The following PRSS38 variants were observed in gnomAD, a reference collection of about 807,000 sequenced individuals.
The protein encoded by PRSS38 is serine protease 38.
In PRSS38, 22 loss-of-function variants were observed where a neutral mutation model predicts 26.8. The ratio of observed to expected loss-of-function variants is 0.82; its 90% CI spans 0.59 to 1.17. PRSS38 has a LOEUF of 1.17. Ranked by LOEUF, PRSS38 falls within the 50% of genes most tolerant of loss-of-function variation. PRSS38 has a pLI of 0.00. For synonymous variants in PRSS38, 175 were observed against 172.1 expected (o/e 1.02, Z -0.13); for missense variants, 427 against 422.7 (o/e 1.01, Z -0.09).
At chr1:227,843,953 A>T (rs1000968329) in intron 3 of PRSS38, among the ~76,000 whole-genome samples, 3 of 152,180 alleles carry the variant, frequency 2.0e-5, no homozygotes, top group Admixed American at 6.5e-5. Context: ...GTACCAATGC[A>T]CTCCAGCCTG....
exon 3 of PRSS38, chr1:227,817,366 A>C: frequency 6.2e-7 from 1 of 1,614,130 alleles, no homozygotes; most frequent in South Asian, 1.1e-5. Context: ...GGTGCAGCTG[A>C]AGACCCGCAT....
At chr1:227,830,596 G>A (rs571647849) in intron 3 of PRSS38, among the ~76,000 whole-genome samples, 2 of 150,634 alleles carry the variant, frequency 1.3e-5, no homozygotes, top group East Asian at 3.9e-4. Flanking sequence ...CCGCCTCTGG[G>A]TTCAAGCGAT....
At chr1:227,818,703 A>G (rs35147836) in intron 3 of PRSS38, among the ~76,000 whole-genome samples, 2 of 142,822 alleles carry the variant, frequency 1.4e-5, no homozygotes, top group Non-Finnish European at 3.1e-5. Context: ...AAAAAAACGT[A>G]TTTAATGTGA....
chr1:227,817,111 C>T, intron 2 of PRSS38, 98 bp from the exon 3 acceptor site: 1 of 1,295,062 alleles, frequency 7.7e-7, no homozygotes, highest in Non-Finnish European at 1.1e-6. Context: ...TTCAATCCCA[C>T]CGAGTGAGTG....
At position 227,840,445 on chromosome 1, in the gene PRSS38, A is replaced by G. The variant is rs112006498; in HGVS notation, c.584-5025A>G. ...CTACACTTTTAAATGGTTGGGGCGG[A>G]AAAGAACCCAAAAGAGGAATATTTC... On this transcript the variant is annotated intron_variant, in intron 3 of 4. Coordinates refer to ENST00000366757, the Ensembl canonical transcript of PRSS38. 5.9e-3 allele frequency among the ~76,000 whole-genome samples: 889 copies of G among 150,366 alleles called. 10 individuals carry two copies. The highest frequency in any genetic ancestry group is 0.021 in the African/African-American group (858 of 40,928).
chr1:227,844,150 T>C (rs1204691293), intron 3 of PRSS38, among the ~76,000 whole-genome samples: 2 of 152,228 alleles, frequency 1.3e-5, no homozygotes, highest in East Asian at 1.9e-4. Flanking sequence ...TTGATATAAA[T>C]ATTCAGGAAA....
chr1:227,837,227 G>A (rs2102683142), intron 3 of PRSS38, among the ~76,000 whole-genome samples: 1 of 152,314 alleles, frequency 6.6e-6, no homozygotes, highest in East Asian at 1.9e-4. Flanking sequence ...TTCCTCACCA[G>A]AGAAAACTTC....
At chr1:227,839,253 A>C (rs941441712) in intron 3 of PRSS38, among the ~76,000 whole-genome samples, 1 of 152,156 alleles carries the variant, frequency 6.6e-6, no homozygotes, top group Non-Finnish European at 1.5e-5. Flanking sequence ...TGAAGCTGGG[A>C]GTTTGAGACC....
intron 3 of PRSS38, among the ~76,000 whole-genome samples, chr1:227,830,967 G>T (rs531832383): frequency 6.6e-6 from 1 of 151,916 alleles, no homozygotes; most frequent in East Asian, 1.9e-4. Context: ...ATCAATTTTG[G>T]TTGTCTTCTA....
At chr1:227,838,818 T>C (rs977847587) in intron 3 of PRSS38, among the ~76,000 whole-genome samples, 2 of 152,234 alleles carry the variant, frequency 1.3e-5, no homozygotes, top group Non-Finnish European at 2.9e-5. Context: ...ACATGCAATA[T>C]CTGTATTTCT....
intron 3 of PRSS38, among the ~76,000 whole-genome samples, chr1:227,826,211 C>T (rs1274070951): frequency 1.3e-5 from 2 of 152,084 alleles, no homozygotes; most frequent in Non-Finnish European, 2.9e-5. Context: ...GGAATGCTAG[C>T]AAGTTTTGCA....
rs1447386646 is a variant in PRSS38, at chr1:227,833,102, A to G, written c.584-12368A>G. ...GAGACTTAATATTGTTACGATGACA[A>G]TATTACCCAAAGTGATCTACAAACA... On this transcript the variant is annotated intron_variant, in intron 3 of 4. Coordinates refer to ENST00000366757, the Ensembl canonical transcript of PRSS38. 2.0e-5 allele frequency among the ~76,000 whole-genome samples: 3 copies of G among 152,226 alleles called. No individual in the cohort carries two copies. The East Asian group carries it at 5.8e-4, about 29-fold the overall frequency.
At chr1:227,828,998 C>T (rs1665113314) in intron 3 of PRSS38, among the ~76,000 whole-genome samples, 1 of 152,190 alleles carries the variant, frequency 6.6e-6, no homozygotes, top group Non-Finnish European at 1.5e-5. Flanking sequence ...ACAATCACTT[C>T]ACCACTTCCC....
At chr1:227,841,742 C>T (rs374012519) in intron 3 of PRSS38, among the ~76,000 whole-genome samples, 3 of 152,208 alleles carry the variant, frequency 2.0e-5, no homozygotes, top group African/African-American at 7.2e-5. Context: ...CTCCCAGTAA[C>T]AGCCCTCAAT....
exon 5 of PRSS38, chr1:227,846,285 C>T: frequency 6.4e-7 from 1 of 1,556,918 alleles, no homozygotes; most frequent in Non-Finnish European, 8.7e-7. Context: ...CCCTAAGCAT[C>T]TCCTGTCCTG....
At position 227,816,312 on chromosome 1, in the gene PRSS38, C is replaced by T. The variant is rs868864239; in HGVS notation, c.311+60C>T. The T allele has an allele frequency of 6.8e-5, 104 of 1,534,334 alleles. 1 individual carries two copies. Among genetic ancestry groups the T allele is most frequent in the Middle Eastern group, 3.8e-4 (2 of 5,318 alleles). On this transcript the variant is annotated intron_variant, in intron 2 of 4. Transcript: ENST00000366757. This position sits in a 1 kb window ranked among gnomAD's most constrained non-coding sequence, Gnocchi z 5.1. ...CTGGGCCTGCACGGAGTGCCCACAGCGGCTTGGATGGACCCCACGCAAGCC... is the reference window on the plus strand; with the variant it reads ...CTGGGCCTGCACGGAGTGCCCACAGTGGCTTGGATGGACCCCACGCAAGCC...
chr1:227,836,478 G>A lies in PRSS38; in HGVS notation c.584-8992G>A, dbSNP rs572312703. On this transcript the variant is annotated intron_variant, in intron 3 of 4. Transcript: ENST00000366757. ...CGAGGCGGGCGGATCACGAGGTCAGGAGATCGAGACCATCCCGGCTAAAAC... is the reference window on the plus strand; with the variant it reads ...CGAGGCGGGCGGATCACGAGGTCAGAAGATCGAGACCATCCCGGCTAAAAC... Among the ~76,000 whole-genome samples, 12 of 5,194 alleles carry A rather than the reference G, an allele frequency of 2.3e-3. 5 individuals are homozygous for A. The highest frequency in any genetic ancestry group is 7.7e-3 in the African/African-American group (12 of 1,558). The allele number at this position is 5,194 out of a possible 152,430, so 3.4% of individuals were successfully genotyped here.
chr1:227,829,784 G>A (rs965403840), intron 3 of PRSS38, among the ~76,000 whole-genome samples: 1 of 152,002 alleles, frequency 6.6e-6, no homozygotes, highest in Non-Finnish European at 1.5e-5. Context: ...TTCCAGTGTG[G>A]GTAGGCTTTC....
In PRSS38 at chr1:227,816,388, C is replaced by T; in HGVS notation, c.311+136C>T. On this transcript the variant is annotated intron_variant, in intron 2 of 4. Transcript: ENST00000366757. The surrounding 1 kb of genome is among the most constrained non-coding windows in gnomAD (Gnocchi z 5.1). ...TTCACCACTGTCGACCCGCGCAAGG[C>T]CAGGTCCCCACCAGTGAGGCTGGTC... 1.1e-6 allele frequency: 1 copy of T among 911,850 alleles called. No individual in the cohort carries two copies. Among genetic ancestry groups the T allele is most frequent in the Non-Finnish European group, 1.6e-6 (1 of 606,440 alleles). 56.5% of individuals were successfully genotyped at this position (911,850 alleles called of 1,614,324 possible).
Sources: gnomAD v4.1 joint callset for allele counts (sites outside exome capture counted in the v4.1 genomes callset) on GRCh38, gnomAD v4.1.1 for gene constraint, Gnocchi (gnomAD v3.1) non-coding constraint, MANE v1.5 for transcripts, NCBI Gene and HGNC (gene_info 2026-07-23, HGNC 2026-07-21) for gene names.